ADAMTS6: variants seen among roughly 807,000 people sequenced by gnomAD.
ADAMTS6 encodes A disintegrin and metalloproteinase with thrombospondin motifs 6.
Under a neutral mutation model 144.3 loss-of-function variants are expected in ADAMTS6, and 23 were observed. The observed-to-expected ratio is 0.16, with a 90% confidence interval of 0.11 to 0.23. The LOEUF (loss-of-function observed/expected upper bound fraction) is 0.23. ADAMTS6 is among the 10% of genes least tolerant of loss of function. ADAMTS6 has a pLI of 1.00. For missense variants in ADAMTS6, 999 were observed against 1,379.6 expected (o/e 0.72, Z 4.37); for synonymous variants, 444 against 457.5 (o/e 0.97, Z 0.38).
intron 3 of ADAMTS6, 79 bp from the exon 4 acceptor site, chr5:65,460,417 G>T: frequency 7.7e-7 from 1 of 1,304,728 alleles, no homozygotes; most frequent in Non-Finnish European, 1.0e-6. Flanking sequence ...AGAGCTAAAA[G>T]TAAATGGACA....
At chr5:65,467,711 C>T (rs574196159) in intron 3 of ADAMTS6, among the ~76,000 whole-genome samples, 1 of 152,256 alleles carries the variant, frequency 6.6e-6, no homozygotes, top group African/African-American at 2.4e-5. Context: ...TGCATAAGGT[C>T]CCTTTCAAAT....
intron 20 of ADAMTS6, among the ~76,000 whole-genome samples, chr5:65,197,754 C>T (rs1310007002): frequency 6.6e-6 from 1 of 152,110 alleles, no homozygotes; most frequent in Non-Finnish European, 1.5e-5. Context: ...TCTGTTTATT[C>T]GAACAGAGTT....
In ADAMTS6 at chr5:65,148,839, T is replaced by C. The variant is rs1349306363; in HGVS notation, c.*2997A>G. 6.6e-6 allele frequency: 1 copy of C among 152,600 alleles called. No individual in the cohort carries two copies. Among genetic ancestry groups the C allele is most frequent in the Non-Finnish European group, 1.5e-5 (1 of 68,042 alleles). 9.5% of individuals were successfully genotyped at this position (152,600 alleles called of 1,614,324 possible). On this transcript the variant is annotated 3_prime_UTR_variant, in exon 25 of 25. Transcript: ENST00000381055. ...CTCCATCAAGTGTTACAATGATTTTTTCATTTTCATTACAAGCAGGAGAAT... is the reference window on the plus strand; with the variant it reads ...CTCCATCAAGTGTTACAATGATTTTCTCATTTTCATTACAAGCAGGAGAAT...
chr5:65,282,349 T>C (rs535752645), intron 11 of ADAMTS6, among the ~76,000 whole-genome samples: 6 of 152,236 alleles, frequency 3.9e-5, no homozygotes, highest in African/African-American at 1.4e-4. Context: ...TAGAAGAGAA[T>C]GTCTGGGTTA....
chr5:65,398,934 C>A (rs1753681908), intron 7 of ADAMTS6, among the ~76,000 whole-genome samples: 1 of 152,050 alleles, frequency 6.6e-6, no homozygotes, highest in South Asian at 2.1e-4. Context: ...CATCCAATTA[C>A]TTTTAATCTA....
At chr5:65,153,495 C>T (rs1023781534) in intron 24 of ADAMTS6, among the ~76,000 whole-genome samples, 7 of 152,166 alleles carry the variant, frequency 4.6e-5, no homozygotes, top group African/African-American at 1.4e-4. Context: ...TGTATCCTTA[C>T]GAACGTCAAC....
At chr5:65,363,517 A>G (rs1580495891) in intron 7 of ADAMTS6, among the ~76,000 whole-genome samples, 1 of 152,288 alleles carries the variant, frequency 6.6e-6, no homozygotes, top group East Asian at 1.9e-4. Flanking sequence ...TCATCCCAAA[A>G]TGGTACTTTC....
Position 65,150,736 on chromosome 5 carries a change from GC to G in ADAMTS6, c.*1099del, listed in dbSNP as rs1287773021. On this transcript the variant is annotated 3_prime_UTR_variant, in exon 25 of 25. Transcript: ENST00000381055. ...CACATTTGCTCTCATATAAATAAATGCCCTTCTACCATATCAAAGAAGGGAC... is the reference window on the plus strand; with the variant it reads ...CACATTTGCTCTCATATAAATAAATGCCTTCTACCATATCAAAGAAGGGAC... 1 of 152,544 alleles carries G rather than the reference GC, an allele frequency of 6.6e-6. No individual in the cohort carries two copies. The highest frequency in any genetic ancestry group is 2.4e-5 in the African/African-American group (1 of 41,414). The allele number at this position is 152,544 out of a possible 1,614,324, so 9.4% of individuals were successfully genotyped here.
chr5:65,221,761 A>T (rs896735292), intron 18 of ADAMTS6, among the ~76,000 whole-genome samples: 3 of 152,190 alleles, frequency 2.0e-5, no homozygotes, highest in African/African-American at 7.2e-5. Flanking sequence ...AATTTACAAA[A>T]CAACTGTTAG....
chr5:65,422,654 TAA>T (rs35449618), intron 7 of ADAMTS6, among the ~76,000 whole-genome samples: 3 of 150,906 alleles, frequency 2.0e-5, no homozygotes, highest in African/African-American at 4.9e-5. Flanking sequence ...ATTAAAAAAT[TAA>T]AAAAAAACAA....
intron 24 of ADAMTS6, among the ~76,000 whole-genome samples, chr5:65,166,291 T>A (rs1254390135): frequency 1.8e-5 from 2 of 111,016 alleles, no homozygotes; most frequent in Admixed American, 1.9e-4. Flanking sequence ...AAGAAGGCCA[T>A]TACATAATGG....
chr5:65,395,886 G>C (rs542818704), intron 7 of ADAMTS6, among the ~76,000 whole-genome samples: 2 of 152,170 alleles, frequency 1.3e-5, no homozygotes, highest in African/African-American at 4.8e-5. Context: ...CAATCATAAC[G>C]GTGTAACAGG....
Position 65,214,248 on chromosome 5 carries a change from T to C in ADAMTS6, c.2575+546A>G. 5.3e-6 allele frequency: 1 copy of C among 190,210 alleles called. No individual in the cohort carries two copies. 11.8% of individuals were successfully genotyped at this position (190,210 alleles called of 1,614,324 possible). ...AGCAGCTACCTCTGAGGGACTGTAA[T>C]GGGGTCAGTATACACCATTAACCCA... On this transcript the variant is annotated intron_variant, in intron 20 of 24. Coordinates refer to ENST00000381055, the MANE Select transcript of ADAMTS6 (RefSeq NM_197941.4). This position sits in a 1 kb window ranked among gnomAD's most constrained non-coding sequence, Gnocchi z 4.6.
At chr5:65,159,326 T>C (rs921487762) in intron 24 of ADAMTS6, among the ~76,000 whole-genome samples, 7 of 152,188 alleles carry the variant, frequency 4.6e-5, no homozygotes, top group Admixed American at 6.6e-5. Flanking sequence ...AACCCCAGTT[T>C]TTTTTCACTT....
At chr5:65,389,173 C>T (rs751062161) in intron 7 of ADAMTS6, among the ~76,000 whole-genome samples, 1 of 151,822 alleles carries the variant, frequency 6.6e-6, no homozygotes, top group Non-Finnish European at 1.5e-5. Flanking sequence ...CACTGCACTC[C>T]AGCCTGGGCG....
At position 65,201,875 on chromosome 5, in the gene ADAMTS6, A is replaced by G. The variant is rs1290000224; in HGVS notation, c.2576-4724T>C. Among the ~76,000 whole-genome samples the G allele has an allele frequency of 3.3e-5, 5 of 152,212 alleles. No homozygotes were observed. In the East Asian group the frequency reaches 5.8e-4, roughly 18 times the overall value. On this transcript the variant is annotated intron_variant, in intron 20 of 24. Coordinates refer to ENST00000381055, the MANE Select transcript of ADAMTS6 (RefSeq NM_197941.4). ...TAGCTAGCAACCAAGACAACACTAT[A>G]TAACTACAGTATACAGAGCATATGG...
chr5:65,430,985 G>C (rs1756962503), intron 7 of ADAMTS6, among the ~76,000 whole-genome samples: 1 of 152,126 alleles, frequency 6.6e-6, no homozygotes, highest in African/African-American at 2.4e-5. Context: ...TCTCTTGAGT[G>C]AAAGTTAAGA....
intron 14 of ADAMTS6, among the ~76,000 whole-genome samples, chr5:65,243,402 T>TATA (rs1759360983): frequency 6.6e-6 from 1 of 152,150 alleles, no homozygotes; most frequent in Non-Finnish European, 1.5e-5. Flanking sequence ...TTACTTCGTA[T>TATA]ATAATACGGT....
intron 7 of ADAMTS6, among the ~76,000 whole-genome samples, chr5:65,433,760 C>T (rs1488316819): frequency 6.6e-6 from 1 of 152,056 alleles, no homozygotes; most frequent in African/African-American, 2.4e-5. Flanking sequence ...ACATGTTGGC[C>T]ATGACACAGA....
Sources: gnomAD v4.1 joint callset for allele counts (sites outside exome capture counted in the v4.1 genomes callset) on GRCh38, gnomAD v4.1.1 for gene constraint, Gnocchi (gnomAD v3.1) non-coding constraint, MANE v1.5 for transcripts, NCBI Gene and HGNC (gene_info 2026-07-23, HGNC 2026-07-21) for gene names.